SYNE3: variants seen among roughly 807,000 people sequenced by gnomAD.
The protein encoded by SYNE3 is nesprin-3.
In SYNE3, 100 loss-of-function variants were observed where a neutral mutation model predicts 111.2. The observed-to-expected ratio is 0.90, with a 90% CI of 0.77 to 1.06. The LOEUF (loss-of-function observed/expected upper bound fraction) is 1.06, where lower values mean the gene tolerates loss of function less well. SYNE3 is among the 50% of genes least tolerant of loss of function. The pLI is 0.00. For synonymous variants in SYNE3, 547 were observed against 533.9 expected (o/e 1.02, Z -0.34); for missense variants, 1,160 against 1,240.3 (o/e 0.94, Z 0.97).
chr14:95,513,363 C>G (rs1470845974), intron 1 of SYNE3, among the ~76,000 whole-genome samples: 1 of 152,110 alleles, frequency 6.6e-6, no homozygotes, highest in Non-Finnish European at 1.5e-5. Context: ...TATACCACGT[C>G]TGCAGCCTAG....
chr14:95,461,831 G>A (rs934147434), intron 4 of SYNE3, among the ~76,000 whole-genome samples: 25 of 152,244 alleles, frequency 1.6e-4, no homozygotes, highest in Non-Finnish European at 1.2e-4. Flanking sequence ...TCAGAGCAGG[G>A]ACTGGGAGGC....
intron 17 of SYNE3, among the ~76,000 whole-genome samples, chr14:95,429,759 A>G (rs1885640968): frequency 6.6e-6 from 1 of 152,176 alleles, no homozygotes; most frequent in East Asian, 1.9e-4. Context: ...TCTTCTGGTC[A>G]TAGACAAGAT....
intron 1 of SYNE3, among the ~76,000 whole-genome samples, chr14:95,501,474 C>T (rs1364179793): frequency 6.6e-6 from 1 of 152,196 alleles, no homozygotes; most frequent in Non-Finnish European, 1.5e-5. Flanking sequence ...ATGGGGCATC[C>T]AGGTGCCACG....
At chr14:95,496,212 T>C (rs904333006) in intron 1 of SYNE3, among the ~76,000 whole-genome samples, 1 of 152,210 alleles carries the variant, frequency 6.6e-6, no homozygotes, top group Non-Finnish European at 1.5e-5. Context: ...TCAAAGCCTA[T>C]GCCAGACACT....
At chr14:95,506,079 A>T (rs1890517264) in intron 1 of SYNE3, among the ~76,000 whole-genome samples, 1 of 152,194 alleles carries the variant, frequency 6.6e-6, no homozygotes, top group African/African-American at 2.4e-5. Context: ...AAAAAATTTA[A>T]AAAAAATGGA....
At chr14:95,428,780 C>A (rs1267781914) in intron 17 of SYNE3, among the ~76,000 whole-genome samples, 1 of 152,174 alleles carries the variant, frequency 6.6e-6, no homozygotes, top group African/African-American at 2.4e-5. Flanking sequence ...TTGGCAAGTG[C>A]CTAGGCAGCT....
chr14:95,516,480 C>T (rs1890938900), intron 1 of SYNE3, among the ~76,000 whole-genome samples, 116 bp downstream of exon 1: 1 of 151,988 alleles, frequency 6.6e-6, no homozygotes, highest in South Asian at 2.1e-4. Context: ...ACTTTCGGCG[C>T]CCCCGATTCC....
At chr14:95,435,836 G>T (rs527441732) in intron 15 of SYNE3, among the ~76,000 whole-genome samples, 1 of 152,308 alleles carries the variant, frequency 6.6e-6, no homozygotes, top group Admixed American at 6.5e-5. Context: ...TTTTCATTAG[G>T]GGGAGGACAG....
intron 2 of SYNE3, among the ~76,000 whole-genome samples, chr14:95,469,392 A>G (rs1270607885): frequency 3.3e-5 from 5 of 151,926 alleles, no homozygotes; most frequent in Non-Finnish European, 1.5e-5. Flanking sequence ...GGGTTATAAT[A>G]TTAATTTTAA....
chr14:95,452,425 C>T (rs1464769103), intron 6 of SYNE3, 42 bp from the exon 7 acceptor site: 2 of 1,565,712 alleles, frequency 1.3e-6, no homozygotes, highest in Non-Finnish European at 1.7e-6. Context: ...TGAGGCTCCT[C>T]AACAGGATAA....
intron 17 of SYNE3, among the ~76,000 whole-genome samples, chr14:95,421,447 TG>T (rs1885122323): frequency 6.6e-6 from 1 of 152,212 alleles, no homozygotes; most frequent in Non-Finnish European, 1.5e-5. Flanking sequence ...ATATAAGGTT[TG>T]GAGTCTTGGG....
chr14:95,497,350 G>A (rs1890135191), intron 1 of SYNE3, among the ~76,000 whole-genome samples: 1 of 152,204 alleles, frequency 6.6e-6, no homozygotes, highest in Non-Finnish European at 1.5e-5. Context: ...TGAAGACTAG[G>A]TGAGTTCATA....
chr14:95,439,899 G>T lies in SYNE3; in HGVS notation c.2073+15C>A. On this transcript the variant is annotated intron_variant, in intron 12 of 17. Transcript: ENST00000682763. The stretch of plus-strand genomic sequence containing the variant: ...CTGCTTCTTTGGGAAGTGGGTGAGG[G>T]AACCACCGCCTTACCTCAAACTCGG... 1.2e-6 allele frequency: 2 copies of T among 1,607,172 alleles called. No individual in the cohort carries two copies. Among genetic ancestry groups the T allele is most frequent in the Non-Finnish European group, 1.7e-6 (2 of 1,176,152 alleles).
intron 17 of SYNE3, among the ~76,000 whole-genome samples, chr14:95,426,404 A>G (rs747449113): frequency 2.6e-5 from 4 of 152,102 alleles, no homozygotes; most frequent in Non-Finnish European, 5.9e-5. Flanking sequence ...ACAGGGGTAA[A>G]AACTCAACCT....
intron 6 of SYNE3, among the ~76,000 whole-genome samples, 157 bp from the exon 7 acceptor site, chr14:95,452,540 C>T (rs1035813068): frequency 2.0e-5 from 3 of 152,210 alleles, no homozygotes; most frequent in Non-Finnish European, 4.4e-5. Flanking sequence ...AGCTCAGCCC[C>T]TACCCTCCCA....
rs545287852 is a variant in SYNE3, at chr14:95,432,470, T to C, written c.2689-353A>G. Among the ~76,000 whole-genome samples the C allele has an allele frequency of 9.9e-4, 150 of 152,086 alleles. 2 individuals carry two copies. The highest frequency in any genetic ancestry group is 3.5e-3 in the African/African-American group (147 of 41,496). On this transcript the variant is annotated intron_variant, in intron 16 of 17. Transcript: ENST00000682763. ...CTGGGGTCTGAGGCTGAAAGGGCCC[T>C]TAAGGGCCAGCTCACCACCCTCCTC...
At position 95,475,092 on chromosome 14, in the gene SYNE3, G is replaced by A. The variant is rs777029004; in HGVS notation, c.144+586C>T. On this transcript the variant is annotated intron_variant, in intron 2 of 17. Transcript: ENST00000682763. Reference sequence around the variant, plus strand: ...TTCTTCCCTCTTGTCCCCAGGCCACGGGCGACCCACCCTCAGACAGGGGCA... The same window carrying A: ...TTCTTCCCTCTTGTCCCCAGGCCACAGGCGACCCACCCTCAGACAGGGGCA... Among the ~76,000 whole-genome samples, 4 of 152,228 alleles carry A rather than the reference G, an allele frequency of 2.6e-5. No homozygotes were observed. The South Asian group carries it at 6.2e-4, about 24-fold the overall frequency.
intron 16 of SYNE3, 47 bp from the exon 17 acceptor site, chr14:95,432,164 A>G: frequency 6.3e-7 from 1 of 1,579,900 alleles, no homozygotes; most frequent in Non-Finnish European, 8.6e-7. Flanking sequence ...AAAATAAGTT[A>G]AGTGAGTGAA....
intron 1 of SYNE3, among the ~76,000 whole-genome samples, chr14:95,493,896 T>A (rs939142585): frequency 3.9e-5 from 6 of 152,358 alleles, no homozygotes; most frequent in Non-Finnish European, 8.8e-5. Flanking sequence ...AATTTTTTTT[T>A]AATTTTATAC....
Sources: allele counts gnomAD v4.1 joint callset (sites outside exome capture counted in the v4.1 genomes callset), GRCh38; gene constraint gnomAD v4.1.1; transcripts MANE v1.5; gene names NCBI Gene and HGNC (gene_info 2026-07-23, HGNC 2026-07-21).